The following PUM2 variants were observed in gnomAD, a reference collection of about 807,000 sequenced individuals.
PUM2 encodes the protein pumilio homolog 2.
A neutral mutation model predicts 124.5 loss-of-function variants in PUM2; 57 were observed. The ratio of observed to expected loss-of-function variants is 0.46; its 90% CI spans 0.37 to 0.57. The LOEUF (loss-of-function observed/expected upper bound fraction) is 0.57. Ranked by LOEUF, PUM2 falls within the 20% of genes least tolerant of loss-of-function variation. The pLI is 0.00. For missense variants in PUM2, 1,065 were observed against 1,290.6 expected (o/e 0.83, Z 2.68); for synonymous variants, 460 against 446.1 (o/e 1.03, Z -0.39).
Position 20,258,422 on chromosome 2 carries a change from T to C in PUM2, c.2356-51A>G, listed in dbSNP as rs555194819. The C allele has an allele frequency of 1.3e-5, 20 of 1,576,044 alleles. No homozygotes were observed. The South Asian group carries it at 1.6e-4, about 13-fold the overall frequency. ...AACAAGTGACCTTAATATTGCTTTG[T>C]TGAACTTGAGTAAGGCAGTGTTTGC... On this transcript the variant is annotated intron_variant, in intron 15 of 20. Coordinates refer to ENST00000361078, the MANE Select transcript of PUM2 (RefSeq NM_015317.5).
intron 1 of PUM2, among the ~76,000 whole-genome samples, chr2:20,341,365 T>C (rs1212150293): frequency 6.6e-6 from 1 of 152,030 alleles, no homozygotes; most frequent in African/African-American, 2.4e-5. Flanking sequence ...GTTAAAACAA[T>C]GAGCCAGTAC....
chr2:20,318,199 ATTT>A (rs752623042), intron 3 of PUM2, among the ~76,000 whole-genome samples: 17 of 152,110 alleles, frequency 1.1e-4, no homozygotes, highest in Non-Finnish European at 2.1e-4. Flanking sequence ...CCAGCATCTT[ATTT>A]TTTAATAATA....
intron 1 of PUM2, among the ~76,000 whole-genome samples, chr2:20,346,787 G>C (rs1373588071): frequency 6.6e-6 from 1 of 152,132 alleles, no homozygotes; most frequent in Admixed American, 6.6e-5. Context: ...CCATTTCCCT[G>C]GGCAGTACTG....
intron 13 of PUM2, among the ~76,000 whole-genome samples, chr2:20,266,272 A>G (rs1404667742): frequency 6.6e-6 from 1 of 151,976 alleles, no homozygotes; most frequent in Admixed American, 6.6e-5. Context: ...GCAAAACCCC[A>G]TCTCTACAAA....
intron 1 of PUM2, among the ~76,000 whole-genome samples, chr2:20,336,790 GTGTGTGTGTGT>G (rs1686207540): frequency 4.2e-5 from 5 of 118,144 alleles, no homozygotes; most frequent in Non-Finnish European, 9.2e-5. Flanking sequence ...GTGTGTGTGT[GTGTGTGTGTGT>G]GGTACAGACG....
chr2:20,307,911 C>A, intron 7 of PUM2, 67 bp downstream of exon 7: 1 of 1,554,408 alleles, frequency 6.4e-7, no homozygotes, highest in South Asian at 1.2e-5. Context: ...AATCAGTAAA[C>A]GAAAAGTGAA....
chr2:20,334,973 G>A (rs995675018), intron 1 of PUM2, among the ~76,000 whole-genome samples: 1 of 151,900 alleles, frequency 6.6e-6, no homozygotes, highest in Non-Finnish European at 1.5e-5. Flanking sequence ...TTTGAGACAA[G>A]GTCTCACTCT....
At chr2:20,298,899 G>A (rs1256249950) in intron 7 of PUM2, among the ~76,000 whole-genome samples, 1 of 152,142 alleles carries the variant, frequency 6.6e-6, no homozygotes, top group Non-Finnish European at 1.5e-5. Context: ...CATTCAAAAG[G>A]AAAATATATC....
intron 9 of PUM2, among the ~76,000 whole-genome samples, chr2:20,293,720 T>A (rs1430159696): frequency 2.0e-5 from 3 of 151,522 alleles, no homozygotes; most frequent in Non-Finnish European, 4.4e-5. Flanking sequence ...AAAAATAAAA[T>A]AAAATAAAAA....
intron 1 of PUM2, among the ~76,000 whole-genome samples, chr2:20,341,876 T>A (rs1433537698): frequency 1.3e-5 from 2 of 152,154 alleles, no homozygotes; most frequent in African/African-American, 4.8e-5. Flanking sequence ...ACGCCTGTAA[T>A]CCCAGCACTT....
Position 20,251,540 on chromosome 2 carries a change from T to G in PUM2, c.*45A>C. 1 of 1,560,340 alleles carries G rather than the reference T, an allele frequency of 6.4e-7. No homozygotes were observed. The highest frequency in any genetic ancestry group is 8.7e-7 in the Non-Finnish European group (1 of 1,149,890). Reference sequence around the variant, plus strand: ...TTTGATAATTCACACACAAAAAAATTCTTTTCACATGGTTAAATTATCTTC... The same window carrying G: ...TTTGATAATTCACACACAAAAAAATGCTTTTCACATGGTTAAATTATCTTC... On this transcript the variant is annotated 3_prime_UTR_variant, in exon 21 of 21. Coordinates refer to ENST00000361078, the MANE Select transcript of PUM2 (RefSeq NM_015317.5).
At chr2:20,306,434 G>A (rs940930268) in intron 7 of PUM2, among the ~76,000 whole-genome samples, 1 of 151,970 alleles carries the variant, frequency 6.6e-6, no homozygotes, top group Non-Finnish European at 1.5e-5. Flanking sequence ...AAAGCCTCGA[G>A]AAATAAAAAC....
At chr2:20,281,805 G>T (rs991137164) in intron 12 of PUM2, among the ~76,000 whole-genome samples, 2 of 152,106 alleles carry the variant, frequency 1.3e-5, no homozygotes, top group African/African-American at 2.4e-5. Flanking sequence ...TCCACTTATT[G>T]TATTTCATTA....
At chr2:20,276,576 A>G (rs963246927) in intron 13 of PUM2, among the ~76,000 whole-genome samples, 18 of 152,116 alleles carry the variant, frequency 1.2e-4, no homozygotes, top group Admixed American at 7.9e-4. Context: ...TTATACTATC[A>G]GCCTTGAGAC....
chr2:20,297,455 G>A (rs1558580934), intron 8 of PUM2, 98 bp downstream of exon 8: 55 of 1,161,958 alleles, frequency 4.7e-5, no homozygotes, highest in Non-Finnish European at 5.9e-5. Flanking sequence ...TTTTTCTTAG[G>A]AATTTCAAAT....
upstream of PUM2, among the ~76,000 whole-genome samples, chr2:20,351,023 C>A (rs1689281315): frequency 6.6e-6 from 1 of 152,134 alleles, no homozygotes; most frequent in Non-Finnish European, 1.5e-5. Context: ...GCCGCCTCTC[C>A]GGCGTGCCCT....
intron 13 of PUM2, among the ~76,000 whole-genome samples, chr2:20,267,026 C>CTTTTTTTTTTTTTTTTTTT (rs373222999): frequency 7.0e-6 from 1 of 142,812 alleles, no homozygotes; most frequent in African/African-American, 2.6e-5. Flanking sequence ...ATGCCTGTAA[C>CTTTTTTTTTTTTTTTTTTT]TTTTTTTTTT....
chr2:20,319,857 G>A (rs1469204383), intron 2 of PUM2, among the ~76,000 whole-genome samples: 1 of 152,076 alleles, frequency 6.6e-6, no homozygotes, highest in Non-Finnish European at 1.5e-5. Context: ...AGTTAGCAAG[G>A]GTGACACTAT....
At chr2:20,267,474 T>C (rs187134032) in intron 13 of PUM2, among the ~76,000 whole-genome samples, 5 of 152,284 alleles carry the variant, frequency 3.3e-5, no homozygotes, top group Non-Finnish European at 1.5e-5. Flanking sequence ...TTCCCATTAG[T>C]CTCAAATTAT....
Sources: allele counts gnomAD v4.1 joint callset (sites outside exome capture counted in the v4.1 genomes callset), GRCh38; gene constraint gnomAD v4.1.1; transcripts MANE v1.5; gene names NCBI Gene and HGNC (gene_info 2026-07-23, HGNC 2026-07-21).